Variants in NDEL1 observed in about 807,000 individuals in gnomAD.
The protein encoded by NDEL1 is nudE neurodevelopment protein 1 like 1, also known as nuclear distribution protein nudE-like 1.
In NDEL1, 9 loss-of-function variants were observed where a neutral mutation model predicts 45.7. The ratio of observed to expected loss-of-function variants is 0.20; its 90% CI spans 0.12 to 0.34. The LOEUF (loss-of-function observed/expected upper bound fraction) is 0.34. Among genes scored for constraint, NDEL1 ranks in the 10% least tolerant of loss-of-function variants. The pLI, the probability that NDEL1 is intolerant of heterozygous loss-of-function variation, is 1.00. For missense variants in NDEL1, 306 were observed against 406.2 expected (o/e 0.75, Z 2.12); for synonymous variants, 133 against 158.6 (o/e 0.84, Z 1.21).
chr17:8,453,510 T>C (rs1262427417), intron 6 of NDEL1, among the ~76,000 whole-genome samples: 3 of 152,188 alleles, frequency 2.0e-5, no homozygotes, highest in Non-Finnish European at 4.4e-5. Flanking sequence ...TTGAATACAG[T>C]AGTTCAGCTC....
upstream of NDEL1, chr17:8,431,857 T>A (rs1597516452): frequency 1.4e-5 from 2 of 142,696 alleles, no homozygotes; most frequent in South Asian, 4.4e-4. Flanking sequence ...CAACGTAAGC[T>A]CCCTCAAGGT....
At chr17:8,472,665 G>GAA (rs142024295), downstream of NDEL1, among the ~76,000 whole-genome samples, 1 of 151,448 alleles carries the variant, frequency 6.6e-6, no homozygotes, top group African/African-American at 2.4e-5. Flanking sequence ...TCTGTCTCGG[G>GAA]AAAAAAAACA....
intron 2 of NDEL1, among the ~76,000 whole-genome samples, chr17:8,445,206 T>C (rs1002920990): frequency 1.3e-5 from 2 of 152,284 alleles, no homozygotes; most frequent in Admixed American, 1.3e-4. Context: ...ATTAAACTAA[T>C]TTATGGCATA....
At chr17:8,433,564 A>G (rs1257783384), upstream of NDEL1, among the ~76,000 whole-genome samples, 3 of 152,200 alleles carry the variant, frequency 2.0e-5, no homozygotes, top group Non-Finnish European at 4.4e-5. Context: ...ATTTTGTAGA[A>G]TATGTGTTCT....
At chr17:8,421,832 A>G (rs950127254) in intron 1 of NDEL1, among the ~76,000 whole-genome samples, 4 of 152,324 alleles carry the variant, frequency 2.6e-5, no homozygotes, top group Non-Finnish European at 5.9e-5. Context: ...TGACTCTGCC[A>G]TCACATTCTG....
At chr17:8,450,299 A>AC (rs1910398187) in intron 5 of NDEL1, among the ~76,000 whole-genome samples, 1 of 104,404 alleles carries the variant, frequency 9.6e-6, no homozygotes. Flanking sequence ...AAAAAAAAAA[A>AC]AAAACGCTCA....
chr17:8,435,001 C>T (rs1451413270), upstream of NDEL1, among the ~76,000 whole-genome samples: 3 of 151,876 alleles, frequency 2.0e-5, no homozygotes, highest in Non-Finnish European at 4.4e-5. Flanking sequence ...ACCTGGGAGG[C>T]GGAGGTTGCA....
chr17:8,422,029 A>G (rs1329766444), intron 1 of NDEL1, among the ~76,000 whole-genome samples: 3 of 152,166 alleles, frequency 2.0e-5, no homozygotes, highest in Non-Finnish European at 4.4e-5. Flanking sequence ...GATGGCGCTG[A>G]TTTGGCCAAG....
upstream of NDEL1, among the ~76,000 whole-genome samples, chr17:8,434,618 C>T (rs192824709): frequency 6.6e-6 from 1 of 152,206 alleles, no homozygotes; most frequent in East Asian, 1.9e-4. Flanking sequence ...GTATCTCTTC[C>T]TTTAAGTTTC....
intron 8 of NDEL1, chr17:8,463,208 G>T: frequency 1.4e-6 from 1 of 720,368 alleles, no homozygotes. Context: ...ATTTTTGTAA[G>T]CCACTCTGAG....
intron 7 of NDEL1, among the ~76,000 whole-genome samples, chr17:8,459,107 A>G (rs749405634): frequency 5.9e-5 from 9 of 152,134 alleles, no homozygotes; most frequent in African/African-American, 1.2e-4. Context: ...AGTGAAGTAT[A>G]TGTTACCTGT....
At chr17:8,435,553 T>C (rs955047106), upstream of NDEL1, among the ~76,000 whole-genome samples, 1 of 152,240 alleles carries the variant, frequency 6.6e-6, no homozygotes, top group Non-Finnish European at 1.5e-5. Context: ...AGATTCATTT[T>C]ATAAACGGGA....
chr17:8,452,324 C>T (rs932354018), intron 6 of NDEL1, among the ~76,000 whole-genome samples: 2 of 152,198 alleles, frequency 1.3e-5, no homozygotes, highest in Non-Finnish European at 2.9e-5. Context: ...GGTGCGGTGA[C>T]ACCCACAGGT....
chr17:8,451,862 C>G (rs1910525520), intron 6 of NDEL1, among the ~76,000 whole-genome samples: 1 of 152,092 alleles, frequency 6.6e-6, no homozygotes, highest in Non-Finnish European at 1.5e-5. Flanking sequence ...ATGTGGGCAA[C>G]TAGTACAGTG....
chr17:8,450,828 G>C lies in NDEL1; in HGVS notation c.575G>C (p.Arg192Thr). ...CGGGAAAGACAACAGGAAGTAACTA[G>C]AAAGTCGGCTCCTAGCTCTCCAACT... ...AVRERQQEVTRKSAPSSPTLD... is the reference protein window; with the variant it reads ...AVRERQQEVTTKSAPSSPTLD... Residue 192 changes from arginine to threonine, a missense_variant, in exon 6 of 9, where the codon AGA (arginine) becomes ACA (threonine). Arg to Thr is a moderately conservative substitution (Grantham distance 71). Coordinates refer to ENST00000334527, the MANE Select transcript of NDEL1 (RefSeq NM_030808.5). The C allele has an allele frequency of 6.2e-7, 1 of 1,612,462 alleles. No individual in the cohort carries two copies.
intron 8 of NDEL1, among the ~76,000 whole-genome samples, chr17:8,463,605 C>T (rs766657876): frequency 2.0e-5 from 3 of 152,182 alleles, no homozygotes; most frequent in Admixed American, 1.3e-4. Context: ...CCAGGTGGCA[C>T]GCCTGAGATG....
chr17:8,435,935 C>A lies in NDEL1; in HGVS notation c.-123C>A. On this transcript the variant is annotated 5_prime_UTR_variant, in exon 1 of 9. Transcript: ENST00000334527. ...GGGCGCGGAGGTACGCTGAGTGGAG[C>A]TCGGGGCTGCGTAGGGGAGCTGAGC... 4.5e-6 allele frequency: 2 copies of A among 448,676 alleles called. No homozygotes were observed. The highest frequency in any genetic ancestry group is 9.0e-6 in the Non-Finnish European group (2 of 223,378). 27.8% of individuals were successfully genotyped at this position (448,676 alleles called of 1,614,324 possible). A position where few individuals can be genotyped will look rare whatever the true frequency, so the allele number is the denominator to read the frequency against.
chr17:8,448,941 T>A (rs1910275726), intron 5 of NDEL1, among the ~76,000 whole-genome samples: 1 of 152,218 alleles, frequency 6.6e-6, no homozygotes, highest in African/African-American at 2.4e-5. Flanking sequence ...GACAACTGTA[T>A]TTATCCTCCC....
chr17:8,421,269 C>A (rs1398091099), intron 1 of NDEL1, among the ~76,000 whole-genome samples: 1 of 152,136 alleles, frequency 6.6e-6, no homozygotes, highest in Non-Finnish European at 1.5e-5. Context: ...ATAGGCCCCC[C>A]AAAAATGTTC....
Sources: gnomAD v4.1 joint callset for allele counts (sites outside exome capture counted in the v4.1 genomes callset) on GRCh38, gnomAD v4.1.1 for gene constraint, MANE v1.5 for transcripts, NCBI Gene and HGNC (gene_info 2026-07-23, HGNC 2026-07-21) for gene names.